Variants in ADGRL3 observed in about 807,000 individuals in gnomAD.
ADGRL3 encodes adhesion G protein-coupled receptor L3, also known as calcium-independent alpha-latrotoxin receptor 3.
ADGRL3 carries 62 observed loss-of-function variants against 153.5 expected under a neutral mutation model. That is an observed-to-expected ratio of 0.40 (90% CI 0.33 to 0.50). The LOEUF is 0.50. ADGRL3 is among the 20% of genes least tolerant of loss of function. ADGRL3 has a pLI of 0.47. For synonymous variants in ADGRL3, 710 were observed against 672.5 expected (o/e 1.06, Z -0.86); for missense variants, 1,641 against 1,859.4 (o/e 0.88, Z 2.16).
At chr4:61,369,846 A>C (rs1018815895) in intron 1 of ADGRL3, among the ~76,000 whole-genome samples, 1 of 152,048 alleles carries the variant, frequency 6.6e-6, no homozygotes, top group African/African-American at 2.4e-5. Flanking sequence ...TCGGCTGTGA[A>C]TCCATCTGGT....
At chr4:61,994,857 T>C (rs1330244143) in intron 19 of ADGRL3, among the ~76,000 whole-genome samples, 2 of 151,966 alleles carry the variant, frequency 1.3e-5, no homozygotes, top group East Asian at 1.9e-4. Flanking sequence ...CACTATATTA[T>C]ATATACATTT....
intron 1 of ADGRL3, among the ~76,000 whole-genome samples, chr4:61,300,086 T>C (rs1478725100): frequency 6.6e-6 from 1 of 152,220 alleles, no homozygotes; most frequent in Non-Finnish European, 1.5e-5. Flanking sequence ...TCTTGTATTT[T>C]ACTTATTGAG....
chr4:61,258,041 T>G (rs2092157797), intron 1 of ADGRL3, among the ~76,000 whole-genome samples: 2 of 152,136 alleles, frequency 1.3e-5, no homozygotes, highest in South Asian at 4.1e-4. Flanking sequence ...CCAGCCCCCA[T>G]CTTCCTCCAG....
At chr4:62,022,611 T>G (rs534406683) in intron 21 of ADGRL3, among the ~76,000 whole-genome samples, 13 of 152,240 alleles carry the variant, frequency 8.5e-5, no homozygotes, top group African/African-American at 3.1e-4. Flanking sequence ...TAGGAGATAA[T>G]GCAACTGGTG....
intron 1 of ADGRL3, among the ~76,000 whole-genome samples, chr4:61,251,199 C>T (rs1329279975): frequency 6.6e-6 from 1 of 152,138 alleles, no homozygotes; most frequent in African/African-American, 2.4e-5. Flanking sequence ...CAGAGTGGGC[C>T]TCAGACGTCT....
chr4:61,694,685 A>T (rs1468378426), intron 6 of ADGRL3, among the ~76,000 whole-genome samples: 1 of 152,132 alleles, frequency 6.6e-6, no homozygotes, highest in African/African-American at 2.4e-5. Context: ...TAAAATAACA[A>T]TGAAGTTTGT....
At chr4:61,303,566 A>T (rs367629898) in intron 1 of ADGRL3, among the ~76,000 whole-genome samples, 1 of 152,150 alleles carries the variant, frequency 6.6e-6, no homozygotes, top group East Asian at 1.9e-4. Context: ...TCATTATGTG[A>T]CTAAAACTGT....
intron 1 of ADGRL3, among the ~76,000 whole-genome samples, chr4:61,356,757 C>T (rs1004771893): frequency 1.9e-4 from 29 of 152,014 alleles, no homozygotes; most frequent in African/African-American, 7.0e-4. Context: ...TACAGTTTAT[C>T]ATTTATCATA....
At chr4:61,462,695 A>G (rs1366911429) in intron 2 of ADGRL3, among the ~76,000 whole-genome samples, 1 of 152,208 alleles carries the variant, frequency 6.6e-6, no homozygotes, top group Non-Finnish European at 1.5e-5. Flanking sequence ...GAGAAGACTT[A>G]TGAAAAGTTA....
chr4:61,458,883 T>C (rs998229536), intron 2 of ADGRL3, among the ~76,000 whole-genome samples: 2 of 151,478 alleles, frequency 1.3e-5, no homozygotes, highest in African/African-American at 2.4e-5. Context: ...TTCAGTTCCA[T>C]ATATTTTTCT....
chr4:61,450,660 C>T (rs2097662733), intron 2 of ADGRL3, among the ~76,000 whole-genome samples: 1 of 152,016 alleles, frequency 6.6e-6, no homozygotes, highest in Admixed American at 6.6e-5. Context: ...TGTGTAATAA[C>T]ATGGATTAAT....
In ADGRL3 at chr4:61,994,433, T is replaced by G. The variant is rs537041724; in HGVS notation, c.3237-1858T>G. Among the ~76,000 whole-genome samples the G allele has an allele frequency of 3.0e-4, 45 of 152,150 alleles. No individual in the cohort carries two copies. The South Asian group carries it at 9.1e-3, about 31-fold the overall frequency. On this transcript the variant is annotated intron_variant, in intron 19 of 26. Transcript: ENST00000683033. Reference sequence around the variant, plus strand: ...TCTCAAAGTCCTGGGATAACAGGGGTGAGCCGCTGTGGCTAGCCTCTTCAT... The same window carrying G: ...TCTCAAAGTCCTGGGATAACAGGGGGGAGCCGCTGTGGCTAGCCTCTTCAT...
chr4:61,248,414 A>T (rs1757922208), intron 1 of ADGRL3, among the ~76,000 whole-genome samples: 1 of 152,124 alleles, frequency 6.6e-6, no homozygotes, highest in African/African-American at 2.4e-5. Context: ...TGCCTCAGTC[A>T]ATTTATTGTT....
intron 20 of ADGRL3, among the ~76,000 whole-genome samples, 176 bp downstream of exon 20, chr4:61,996,533 G>A (rs2271338): frequency 0.26 from 39,182 of 151,992 alleles, 5,267 homozygotes; most frequent in East Asian, 0.36. Flanking sequence ...GTTGTAAAAT[G>A]GTTAATCAAA....
Position 61,497,354 on chromosome 4 carries a change from A to G in ADGRL3, c.55+6A>G. On this transcript the variant is annotated splice_donor_region_variant and intron_variant, in intron 3 of 26. Coordinates refer to ENST00000683033, the MANE Select transcript of ADGRL3 (RefSeq NM_001387552.1). ...CTTAGCTCCAATAATTCATGGTAAG[A>G]TTTTTCAGATTTTTGTGTAATGCTT... is the stretch of plus-strand genomic sequence containing the variant. 1 of 1,592,066 alleles carries G rather than the reference A, an allele frequency of 6.3e-7. No homozygotes were observed. The highest frequency in any genetic ancestry group is 8.6e-7 in the Non-Finnish European group (1 of 1,168,090).
At chr4:61,769,606 A>C (rs1335830093) in intron 8 of ADGRL3, among the ~76,000 whole-genome samples, 1 of 152,090 alleles carries the variant, frequency 6.6e-6, no homozygotes, top group Non-Finnish European at 1.5e-5. Context: ...GCTGTTGCTC[A>C]CTTCACCTGG....
intron 5 of ADGRL3, among the ~76,000 whole-genome samples, chr4:61,664,658 A>G (rs963060496): frequency 1.3e-5 from 2 of 152,206 alleles, no homozygotes; most frequent in Non-Finnish European, 2.9e-5. Context: ...CAGACTATAC[A>G]CTAAAATGCC....
chr4:61,374,156 A>C (rs1345442530), intron 1 of ADGRL3, among the ~76,000 whole-genome samples: 1 of 152,016 alleles, frequency 6.6e-6, no homozygotes, highest in Non-Finnish European at 1.5e-5. Flanking sequence ...GGTAGAAAAA[A>C]ATTTCTGAAA....
At chr4:61,432,620 T>TTC (rs2097376590) in intron 2 of ADGRL3, among the ~76,000 whole-genome samples, 1 of 81,418 alleles carries the variant, frequency 1.2e-5, no homozygotes, top group Non-Finnish European at 2.6e-5. Context: ...CTTTCTTTCT[T>TTC]TCTTTCTTTC....
Sources: gnomAD v4.1 joint callset for allele counts (sites outside exome capture counted in the v4.1 genomes callset) on GRCh38, gnomAD v4.1.1 for gene constraint, MANE v1.5 for transcripts, NCBI Gene and HGNC (gene_info 2026-07-23, HGNC 2026-07-21) for gene names.